Variants in ANTXR1 observed in about 807,000 individuals in gnomAD.
ANTXR1 encodes the protein anthrax toxin receptor 1.
ANTXR1 carries 19 observed loss-of-function variants against 78.1 expected under a neutral mutation model. The observed-to-expected ratio is 0.24, with a 90% CI of 0.17 to 0.36. The LOEUF (loss-of-function observed/expected upper bound fraction) is 0.36. Among genes scored for constraint, ANTXR1 ranks in the 10% least tolerant of loss-of-function variants. The pLI is 1.00. For missense variants in ANTXR1, 518 were observed against 718.6 expected (o/e 0.72, Z 3.19); for synonymous variants, 273 against 260.5 (o/e 1.05, Z -0.46).
Position 69,071,821 on chromosome 2 carries a change from AT to A in ANTXR1, c.412+37del, listed in dbSNP as rs751347145. 47 of 1,602,126 alleles carry A rather than the reference AT, an allele frequency of 2.9e-5. 1 individual carries two copies. In the Admixed American group the frequency reaches 5.0e-4, roughly 17 times the overall value. ...ATAGTATGAACTACCATTATGAATT[AT>A]TTAACTTTTTCCGTGTTTGTTGCTG... On this transcript the variant is annotated intron_variant, in intron 5 of 17. Coordinates refer to ENST00000303714, the MANE Select transcript of ANTXR1 (RefSeq NM_032208.3).
chr2:69,212,151 T>C (rs1675057114), intron 17 of ANTXR1, among the ~76,000 whole-genome samples: 1 of 151,882 alleles, frequency 6.6e-6, no homozygotes, highest in Admixed American at 6.6e-5. Context: ...AAATTCTTTA[T>C]TAAAGAAGAA....
chr2:69,238,738 G>T (rs1675830034), intron 17 of ANTXR1, among the ~76,000 whole-genome samples: 1 of 152,194 alleles, frequency 6.6e-6, no homozygotes, highest in Non-Finnish European at 1.5e-5. Context: ...GAGAGAAAAG[G>T]TATTTGTCAG....
intron 16 of ANTXR1, among the ~76,000 whole-genome samples, chr2:69,187,201 G>C (rs6546487): frequency 6.6e-6 from 1 of 151,858 alleles, no homozygotes; most frequent in Non-Finnish European, 1.5e-5. Context: ...CCATCTCCCC[G>C]TCTAATTTAA....
intron 1 of ANTXR1, among the ~76,000 whole-genome samples, chr2:69,019,621 AAAG>A (rs1231460162): frequency 2.0e-5 from 3 of 152,078 alleles, no homozygotes; most frequent in Admixed American, 6.6e-5. Flanking sequence ...ATGTTAAAAA[AAAG>A]AAATTACATA....
intron 6 of ANTXR1, among the ~76,000 whole-genome samples, chr2:69,074,102 C>A (rs988795926): frequency 9.2e-5 from 14 of 152,246 alleles, no homozygotes; most frequent in African/African-American, 3.4e-4. Flanking sequence ...CAGCTGCTGC[C>A]CTCGTGAGTC....
chr2:69,051,669 A>G (rs1199042262), intron 3 of ANTXR1, among the ~76,000 whole-genome samples: 2 of 152,068 alleles, frequency 1.3e-5, no homozygotes, highest in Non-Finnish European at 2.9e-5. Context: ...TATAAGAAAC[A>G]TTAATTTTTA....
At chr2:69,098,236 T>C (rs923420133) in intron 9 of ANTXR1, among the ~76,000 whole-genome samples, 3 of 152,238 alleles carry the variant, frequency 2.0e-5, no homozygotes, top group African/African-American at 7.2e-5. Context: ...AGTTATTGTA[T>C]ATCAATTATG....
At chr2:69,143,161 A>G (rs1441474088) in intron 12 of ANTXR1, among the ~76,000 whole-genome samples, 1 of 152,212 alleles carries the variant, frequency 6.6e-6, no homozygotes, top group Non-Finnish European at 1.5e-5. Context: ...TCCTGGCAGT[A>G]ATACTGGTGG....
At chr2:69,178,402 T>C (rs1203797041) in intron 14 of ANTXR1, among the ~76,000 whole-genome samples, 2 of 152,214 alleles carry the variant, frequency 1.3e-5, no homozygotes, top group African/African-American at 4.8e-5. Flanking sequence ...AGCGACGGGC[T>C]CGGTGGCGCG....
intron 3 of ANTXR1, among the ~76,000 whole-genome samples, chr2:69,050,242 T>C (rs1669890241): frequency 6.6e-6 from 1 of 152,032 alleles, no homozygotes; most frequent in Non-Finnish European, 1.5e-5. Context: ...AAGGCTGCAG[T>C]GAGCCGTAAT....
chr2:69,064,203 A>G lies in ANTXR1; in HGVS notation c.297-6444A>G, dbSNP rs375779254. ...CTGCATAAAATATACCCCAAATATT[A>G]TAGCTTGAAACAATAATTTCTTATG... On this transcript the variant is annotated intron_variant, in intron 3 of 17. Coordinates refer to ENST00000303714, the MANE Select transcript of ANTXR1 (RefSeq NM_032208.3). Among the ~76,000 whole-genome samples the G allele has an allele frequency of 7.2e-5, 11 of 152,340 alleles. No homozygotes were observed. In the East Asian group the frequency reaches 2.1e-3, roughly 29 times the overall value.
chr2:69,116,414 A>G (rs1165740508), intron 10 of ANTXR1, among the ~76,000 whole-genome samples: 1 of 152,226 alleles, frequency 6.6e-6, no homozygotes. Flanking sequence ...TTACAAGTCT[A>G]ACTTTTTTCA....
At chr2:69,208,967 A>C (rs528292817) in intron 17 of ANTXR1, among the ~76,000 whole-genome samples, 1 of 152,298 alleles carries the variant, frequency 6.6e-6, no homozygotes, top group African/African-American at 2.4e-5. Flanking sequence ...CAGTGTCACT[A>C]TCACAGCTCA....
chr2:69,128,739 T>G (rs13419507), intron 12 of ANTXR1, among the ~76,000 whole-genome samples: 58,886 of 152,124 alleles, frequency 0.39, 13,704 homozygotes, highest in African/African-American at 0.65. Context: ...TCTTGGACTT[T>G]CGTTTGTTTC....
chr2:69,103,260 C>T, intron 10 of ANTXR1: 1 of 402,652 alleles, frequency 2.5e-6, no homozygotes. Context: ...GCACTGGTTT[C>T]CTTGTCCCCT....
intron 17 of ANTXR1, among the ~76,000 whole-genome samples, chr2:69,219,422 C>CACACACACACACACACACACACA (rs58106996): frequency 2.1e-4 from 32 of 150,626 alleles, no homozygotes; most frequent in East Asian, 1.2e-3. Flanking sequence ...CACACACACA[C>CACACACACACACACACACACACA]CCTACTGATG....
At chr2:69,209,726 G>C (rs1239780183) in intron 17 of ANTXR1, among the ~76,000 whole-genome samples, 1 of 152,254 alleles carries the variant, frequency 6.6e-6, no homozygotes, top group Non-Finnish European at 1.5e-5. Context: ...AGGCTGGAAA[G>C]AGCTTGGCAT....
In ANTXR1 at chr2:69,040,246, G is replaced by A. The variant is rs758386270; in HGVS notation, c.224+131G>A. The A allele has an allele frequency of 8.4e-5, 64 of 766,358 alleles. No individual in the cohort carries two copies. In the African/African-American group the frequency reaches 9.7e-4, roughly 12 times the overall value. The allele number at this position is 766,358 out of a possible 1,614,324, so 47.5% of individuals were successfully genotyped here. A position where few individuals can be genotyped will look rare whatever the true frequency, so the allele number is the denominator to read the frequency against. On this transcript the variant is annotated intron_variant, in intron 2 of 17. Coordinates refer to ENST00000303714, the MANE Select transcript of ANTXR1 (RefSeq NM_032208.3). ...GACTAAGTTGGGCTCTCAGATCTCG[G>A]ACCAGAGACTGTTTGCTTTGTTTTC...
intron 8 of ANTXR1, among the ~76,000 whole-genome samples, chr2:69,087,535 G>A (rs10167468): frequency 0.14 from 20,919 of 152,108 alleles, 1,592 homozygotes; most frequent in East Asian, 0.23. Flanking sequence ...AGGAGCATAG[G>A]TCAGGTAAAT....
Sources: allele counts gnomAD v4.1 joint callset (sites outside exome capture counted in the v4.1 genomes callset), GRCh38; gene constraint gnomAD v4.1.1; transcripts MANE v1.5; gene names NCBI Gene and HGNC (gene_info 2026-07-23, HGNC 2026-07-21).